The following STEAP1B variants were observed in gnomAD, a reference collection of about 807,000 sequenced individuals.
The protein encoded by STEAP1B is STEAP family protein MGC87042.
In STEAP1B, 13 loss-of-function variants were observed where a neutral mutation model predicts 27.9. The ratio of observed to expected loss-of-function variants is 0.47; its 90% CI spans 0.30 to 0.74. The LOEUF is 0.74. STEAP1B is among the 30% of genes least tolerant of loss of function. The pLI, the probability that STEAP1B is intolerant of heterozygous loss-of-function variation, is 0.06. For missense variants in STEAP1B, 250 were observed against 298.7 expected (o/e 0.84, Z 1.20); for synonymous variants, 86 against 107.1 (o/e 0.80, Z 1.22).
chr7:22,426,005 C>T lies in STEAP1B; in HGVS notation c.763-6169G>A, dbSNP rs562890489. Among the ~76,000 whole-genome samples the T allele has an allele frequency of 3.9e-5, 6 of 152,166 alleles. No individual in the cohort carries two copies. In the East Asian group the frequency reaches 1.2e-3, roughly 29 times the overall value. Reference sequence around the variant, plus strand: ...TTTTCTTCTTTTTTGTCCTTTCTGCCCAGAGATACTTATTAGACTAGGAAC... The same window carrying T: ...TTTTCTTCTTTTTTGTCCTTTCTGCTCAGAGATACTTATTAGACTAGGAAC... On this transcript the variant is annotated intron_variant, in intron 4 of 4. Transcript: ENST00000678116.
At chr7:22,480,462 C>A (rs1786049049) in intron 4 of STEAP1B, among the ~76,000 whole-genome samples, 1 of 152,218 alleles carries the variant, frequency 6.6e-6, no homozygotes. Flanking sequence ...TGGGTACTGA[C>A]AATGCCCGGC....
intron 4 of STEAP1B, among the ~76,000 whole-genome samples, chr7:22,424,188 C>T (rs928330189): frequency 1.5e-4 from 23 of 152,082 alleles, no homozygotes; most frequent in African/African-American, 4.3e-4. Flanking sequence ...TGATAGATAG[C>T]GATTTTACAC....
chr7:22,488,942 C>A (rs924576417), intron 4 of STEAP1B, among the ~76,000 whole-genome samples: 1 of 152,134 alleles, frequency 6.6e-6, no homozygotes. Flanking sequence ...GTTGAAGAAG[C>A]CATAAAAATG....
At chr7:22,441,290 T>C (rs755707591) in intron 4 of STEAP1B, among the ~76,000 whole-genome samples, 28 of 152,192 alleles carry the variant, frequency 1.8e-4, no homozygotes, top group African/African-American at 5.8e-4. Flanking sequence ...TGTTTATGCA[T>C]CATTCTTTCC....
intron 4 of STEAP1B, among the ~76,000 whole-genome samples, chr7:22,445,912 CCCCT>C (rs1785402733): frequency 6.6e-6 from 1 of 152,140 alleles, no homozygotes; most frequent in South Asian, 2.1e-4. Flanking sequence ...TCAGTCTTTC[CCCCT>C]GATGAGTCGG....
chr7:22,486,455 T>C (rs950214131), intron 4 of STEAP1B, among the ~76,000 whole-genome samples: 3 of 152,156 alleles, frequency 2.0e-5, no homozygotes, highest in African/African-American at 7.2e-5. Flanking sequence ...GCACCTCCTC[T>C]GAACCAGCCT....
In STEAP1B at chr7:22,437,110, G is replaced by A. The variant is rs1385301861; in HGVS notation, c.763-17274C>T. 4.6e-5 allele frequency among the ~76,000 whole-genome samples: 7 copies of A among 152,250 alleles called. 1 individual carries two copies. The South Asian group carries it at 1.5e-3, about 32-fold the overall frequency. On this transcript the variant is annotated intron_variant, in intron 4 of 4. Coordinates refer to ENST00000678116, the MANE Select transcript of STEAP1B (RefSeq NM_001382447.1). ...TTTTTGCAAACTGTATAGCTGACAA[G>A]GTCTAATACCCAGTATCTATAAGGA...
chr7:22,443,798 G>A (rs1785368926), intron 4 of STEAP1B, among the ~76,000 whole-genome samples: 1 of 152,122 alleles, frequency 6.6e-6, no homozygotes, highest in African/African-American at 2.4e-5. Context: ...TCACCTAAGA[G>A]CCAGGCAAAA....
rs1299420613 is a variant in STEAP1B, at chr7:22,438,720, G to T, written c.763-18884C>A. 5 of 1,551,524 alleles carry T rather than the reference G, an allele frequency of 3.2e-6. No individual in the cohort carries two copies. In the South Asian group the frequency reaches 4.8e-5, roughly 15 times the overall value. On this transcript the variant is annotated intron_variant, in intron 4 of 4. Coordinates refer to ENST00000678116, the MANE Select transcript of STEAP1B (RefSeq NM_001382447.1). ...TCTTGGCCAGTTTAGTGGCCTGAAAGTTGCACAAAGCTACCAGGCTTCCAG... is the reference window on the plus strand; with the variant it reads ...TCTTGGCCAGTTTAGTGGCCTGAAATTTGCACAAAGCTACCAGGCTTCCAG...
chr7:22,445,463 G>C (rs746257799), intron 4 of STEAP1B, among the ~76,000 whole-genome samples: 11 of 152,250 alleles, frequency 7.2e-5, no homozygotes, highest in Non-Finnish European at 1.3e-4. Context: ...AGCCTTGTGA[G>C]AACCGGGCAG....
chr7:22,475,448 T>C (rs566948379), intron 4 of STEAP1B, among the ~76,000 whole-genome samples: 1 of 152,346 alleles, frequency 6.6e-6, no homozygotes, highest in South Asian at 2.1e-4. Context: ...CACAGCTCAC[T>C]GTAACCTTGA....
chr7:22,472,180 T>C (rs1265200456), intron 4 of STEAP1B, among the ~76,000 whole-genome samples: 2 of 152,202 alleles, frequency 1.3e-5, no homozygotes, highest in Non-Finnish European at 1.5e-5. Context: ...TTCCAGACAT[T>C]AGGCCAACTT....
intron 4 of STEAP1B, among the ~76,000 whole-genome samples, chr7:22,424,428 T>G (rs909392926): frequency 7.2e-5 from 11 of 152,126 alleles, no homozygotes; most frequent in African/African-American, 2.7e-4. Context: ...CTAAGAATAA[T>G]CAGAAAATGT....
rs745660648 is a variant in STEAP1B, at chr7:22,493,515, C to T, written c.406G>A (p.Ala136Thr). The change falls in exon 3 of 5, where the codon GCA becomes ACA. Residue 136 changes from alanine (A) to threonine (T), a missense_variant. Coordinates refer to ENST00000678116, the MANE Select transcript of STEAP1B (RefSeq NM_001382447.1). ...LALVYLPGVI[A>T]AIVQVHNGTK... ...CCATTATGAACTTGGACAATTGCTG[C>T]TATCACACCTGGTAGGTAAACCAAT... The T allele has an allele frequency of 3.3e-5, 53 of 1,613,716 alleles. No individual in the cohort carries two copies. The highest frequency in any genetic ancestry group is 4.1e-5 in the Non-Finnish European group (48 of 1,179,812).
chr7:22,434,542 A>G (rs186845313), intron 4 of STEAP1B, among the ~76,000 whole-genome samples: 15 of 152,346 alleles, frequency 9.8e-5, no homozygotes, highest in African/African-American at 3.4e-4. Context: ...AAATTGGTAC[A>G]TCTCAGAAGA....
At chr7:22,471,143 A>G (rs951783511) in intron 4 of STEAP1B, among the ~76,000 whole-genome samples, 3 of 152,164 alleles carry the variant, frequency 2.0e-5, no homozygotes, top group Non-Finnish European at 4.4e-5. Flanking sequence ...TCTCCCACAC[A>G]GCTCAGGGCC....
In STEAP1B at chr7:22,499,474, C is replaced by G. The variant is rs1786498927; in HGVS notation, c.-32+640G>C. 4.6e-5 allele frequency among the ~76,000 whole-genome samples: 7 copies of G among 151,866 alleles called. No individual in the cohort carries two copies. In the South Asian group the frequency reaches 1.5e-3, roughly 32 times the overall value. On this transcript the variant is annotated intron_variant, in intron 1 of 4. Transcript: ENST00000678116. The stretch of plus-strand genomic sequence containing the variant: ...AAATGAATAACCTTTTATTACACGT[C>G]AGGATGTGGAGGGAAATGTATTTTA...
At chr7:22,485,577 C>T (rs780847393) in intron 4 of STEAP1B, among the ~76,000 whole-genome samples, 2 of 152,178 alleles carry the variant, frequency 1.3e-5, no homozygotes, top group Non-Finnish European at 1.5e-5. Flanking sequence ...CAGCCTCAAA[C>T]TCCTGACTTC....
At chr7:22,471,598 T>C (rs1785885828) in intron 4 of STEAP1B, among the ~76,000 whole-genome samples, 1 of 152,102 alleles carries the variant, frequency 6.6e-6, no homozygotes, top group Non-Finnish European at 1.5e-5. Context: ...AAAGGCAAAT[T>C]TTGATTAACA....
Sources: allele counts gnomAD v4.1 joint callset (sites outside exome capture counted in the v4.1 genomes callset), GRCh38; gene constraint gnomAD v4.1.1; transcripts MANE v1.5; gene names NCBI Gene and HGNC (gene_info 2026-07-23, HGNC 2026-07-21).